Variants in ARIH1 observed in about 807,000 individuals in gnomAD.
The protein encoded by ARIH1 is E3 ubiquitin-protein ligase ARIH1.
ARIH1 carries 8 observed loss-of-function variants against 85.0 expected under a neutral mutation model. The observed-to-expected ratio is 0.09, with a 90% CI of 0.06 to 0.17. The LOEUF (loss-of-function observed/expected upper bound fraction) is 0.17. Ranked by LOEUF, ARIH1 falls within the 10% of genes least tolerant of loss-of-function variation. ARIH1 has a pLI of 1.00. For synonymous variants in ARIH1, 238 were observed against 253.6 expected (o/e 0.94, Z 0.59); for missense variants, 311 against 718.1 (o/e 0.43, Z 6.48).
intron 1 of ARIH1, 35 bp downstream of exon 1, chr15:72,475,049 C>T (rs766166407): frequency 1.9e-6 from 3 of 1,546,484 alleles, no homozygotes; most frequent in East Asian, 4.9e-5. Context: ...GGACCGGGCC[C>T]GACGGGGGAG....
intron 2 of ARIH1, among the ~76,000 whole-genome samples, chr15:72,522,311 T>A (rs779351166): frequency 6.6e-6 from 1 of 152,120 alleles, no homozygotes; most frequent in Non-Finnish European, 1.5e-5. Flanking sequence ...GCCAGGAGTT[T>A]GAGACCAGCC....
chr15:72,546,781 G>C (rs1331517963), intron 3 of ARIH1, among the ~76,000 whole-genome samples: 1 of 151,972 alleles, frequency 6.6e-6, no homozygotes, highest in African/African-American at 2.4e-5. Context: ...TAGAGACGGG[G>C]TTTCACCATG....
chr15:72,488,543 A>G (rs2063846496), intron 1 of ARIH1, among the ~76,000 whole-genome samples: 1 of 152,212 alleles, frequency 6.6e-6, no homozygotes, highest in African/African-American at 2.4e-5. Context: ...AGGTTATGAT[A>G]TAGCTATCCC....
At position 72,589,180 on chromosome 15, in the gene ARIH1, T is replaced by C. The variant is rs1841551148; in HGVS notation, c.*5888T>C. The C allele has an allele frequency of 6.6e-6, 1 of 152,192 alleles. No homozygotes were observed. Among genetic ancestry groups the C allele is most frequent in the African/African-American group, 2.4e-5 (1 of 41,446 alleles). 9.4% of individuals were successfully genotyped at this position (152,192 alleles called of 1,614,324 possible). ...AAGCAAAATGGGCATTGTTACCCTA[T>C]TTTTATGAGGAAAGACACTCATATA... On this transcript the variant is annotated 3_prime_UTR_variant, in exon 14 of 14. Transcript: ENST00000379887.
chr15:72,541,527 GA>G (rs200081678), intron 2 of ARIH1, among the ~76,000 whole-genome samples: 2 of 150,722 alleles, frequency 1.3e-5, no homozygotes, highest in East Asian at 1.9e-4. Flanking sequence ...AAGAGGATTT[GA>G]AAAAAAAATT....
At chr15:72,492,911 T>C (rs73444720) in intron 1 of ARIH1, among the ~76,000 whole-genome samples, 5,858 of 152,284 alleles carry the variant, frequency 0.038, 340 homozygotes, top group African/African-American at 0.13. Flanking sequence ...GGCAGTAAGC[T>C]TGCCTAATCT....
intron 2 of ARIH1, among the ~76,000 whole-genome samples, chr15:72,536,293 T>TAGAGCAA (rs2064081555): frequency 1.3e-5 from 2 of 152,254 alleles, no homozygotes; most frequent in African/African-American, 4.8e-5. Flanking sequence ...GATAGGGTCT[T>TAGAGCAA]GCTATATTGT....
chr15:72,483,523 T>C (rs763888213), intron 1 of ARIH1, among the ~76,000 whole-genome samples: 7 of 152,226 alleles, frequency 4.6e-5, no homozygotes, highest in Non-Finnish European at 1.0e-4. Context: ...CTTTGGGGGC[T>C]ATCTTAGAGG....
Position 72,519,544 on chromosome 15 carries a change from C to T in ARIH1, c.443+1410C>T, listed in dbSNP as rs939011950. ...TGTTGCCCAGGCTGGAGTGCAATGGCGTGACCTCGGCTCACTGCAACCTCC... is the reference window on the plus strand; with the variant it reads ...TGTTGCCCAGGCTGGAGTGCAATGGTGTGACCTCGGCTCACTGCAACCTCC... On this transcript the variant is annotated intron_variant, in intron 2 of 13. Coordinates refer to ENST00000379887, the MANE Select transcript of ARIH1 (RefSeq NM_005744.5). Among the ~76,000 whole-genome samples the T allele has an allele frequency of 7.3e-5, 9 of 123,728 alleles. No homozygotes were observed. In the South Asian group the frequency reaches 8.2e-4, roughly 11 times the overall value. The allele number at this position is 123,728 out of a possible 152,430, so 81.2% of individuals were successfully genotyped here.
chr15:72,493,546 A>G (rs1402681059), intron 1 of ARIH1, among the ~76,000 whole-genome samples: 1 of 152,172 alleles, frequency 6.6e-6, no homozygotes, highest in East Asian at 1.9e-4. Flanking sequence ...TCATCTTGAT[A>G]TTACTATATT....
intron 1 of ARIH1, among the ~76,000 whole-genome samples, chr15:72,510,873 A>G (rs563691585): frequency 3.5e-5 from 5 of 144,402 alleles, no homozygotes; most frequent in Admixed American, 7.1e-5. Context: ...TTTGATCTGT[A>G]TATCTTTTTG....
At chr15:72,522,642 A>G (rs1483488461) in intron 2 of ARIH1, among the ~76,000 whole-genome samples, 3 of 152,218 alleles carry the variant, frequency 2.0e-5, no homozygotes, top group Non-Finnish European at 4.4e-5. Flanking sequence ...ATAAAATTAG[A>G]TATTAATGAA....
intron 2 of ARIH1, among the ~76,000 whole-genome samples, chr15:72,519,466 G>GTTGT (rs2063989095): frequency 9.6e-6 from 1 of 103,968 alleles, no homozygotes; most frequent in African/African-American, 3.8e-5. Context: ...TTCTGACCAT[G>GTTGT]TTTTTTTTGT....
In ARIH1 at chr15:72,505,757, C is replaced by T. The variant is rs28483407; in HGVS notation, c.376-12310C>T. On this transcript the variant is annotated intron_variant, in intron 1 of 13. Transcript: ENST00000379887. Reference sequence around the variant, plus strand: ...TAGTGTCTTTTTTTTCTCCCTGAGACGGGGTCTTGCTTTGTTGCCCAGAGG... The same window carrying T: ...TAGTGTCTTTTTTTTCTCCCTGAGATGGGGTCTTGCTTTGTTGCCCAGAGG... 7.2e-3 allele frequency among the ~76,000 whole-genome samples: 1,100 copies of T among 152,136 alleles called. 8 individuals carry two copies. Among genetic ancestry groups the T allele is most frequent in the African/African-American group, 0.024 (984 of 41,516 alleles).
At chr15:72,512,650 T>C (rs966184895) in intron 1 of ARIH1, among the ~76,000 whole-genome samples, 1 of 151,730 alleles carries the variant, frequency 6.6e-6, no homozygotes, top group Admixed American at 6.6e-5. Context: ...TACATAAGCA[T>C]TTAATATGAT....
rs541073888 is a variant in ARIH1 at position 72,535,790 on chromosome 15, G to A, written c.444-9030G>A. Among the ~76,000 whole-genome samples the A allele has an allele frequency of 6.3e-4, 95 of 150,638 alleles. 1 individual carries two copies. Among genetic ancestry groups the A allele is most frequent in the African/African-American group, 2.1e-3 (87 of 40,960 alleles). ...AGGGTGTAGATTTCCTTTAATGCAC[G>A]TATTTGGAAAGAGGTGGACAAAAAA... On this transcript the variant is annotated intron_variant, in intron 2 of 13. Coordinates refer to ENST00000379887, the MANE Select transcript of ARIH1 (RefSeq NM_005744.5).
chr15:72,497,863 A>C (rs773789823), intron 1 of ARIH1, among the ~76,000 whole-genome samples: 5 of 152,202 alleles, frequency 3.3e-5, no homozygotes, highest in Admixed American at 2.0e-4. Flanking sequence ...ACCACAGCCT[A>C]AATTGTGACT....
At chr15:72,574,699 C>T (rs915618448) in intron 11 of ARIH1, among the ~76,000 whole-genome samples, 5 of 152,148 alleles carry the variant, frequency 3.3e-5, no homozygotes, top group Non-Finnish European at 5.9e-5. Flanking sequence ...TCTGTTGTGA[C>T]GGCTCAACTC....
chr15:72,496,984 G>A (rs1020962458), intron 1 of ARIH1: 27 of 402,036 alleles, frequency 6.7e-5, no homozygotes, highest in Non-Finnish European at 8.8e-5. Flanking sequence ...AATCTTTGTG[G>A]GAAAGTTTGT....
Sources: gnomAD v4.1 joint callset for allele counts (sites outside exome capture counted in the v4.1 genomes callset) on GRCh38, gnomAD v4.1.1 for gene constraint, MANE v1.5 for transcripts, NCBI Gene and HGNC (gene_info 2026-07-23, HGNC 2026-07-21) for gene names.